Variants in BANK1 observed in about 807,000 individuals in gnomAD.
BANK1 encodes the protein B cell scaffold protein with ankyrin repeats 1.
BANK1 carries 95 observed loss-of-function variants against 94.5 expected under a neutral mutation model. The ratio of observed to expected loss-of-function variants is 1.00; its 90% CI spans 0.85 to 1.19. The LOEUF is 1.19. Ranked by LOEUF, BANK1 falls within the 50% of genes most tolerant of loss-of-function variation. BANK1 has a pLI of 0.00. For synonymous variants in BANK1, 334 were observed against 308.4 expected, an observed-to-expected ratio of 1.08 and a Z score of -0.87; for missense variants, 987 against 932.2, an observed-to-expected ratio of 1.06 and a Z score of -0.77.
chr4:101,890,198 T>C lies in BANK1; in HGVS notation c.904-5107T>C, dbSNP rs116157512. On this transcript the variant is annotated intron_variant, in intron 5 of 16. Transcript: ENST00000322953. ...CTGATTGGTTAGATCATTGGGATGA[T>C]GGTGTGTTTGAATTTTTTTATTTTT... Among the ~76,000 whole-genome samples, 605 of 152,220 alleles carry C rather than the reference T, an allele frequency of 4.0e-3. 3 individuals are homozygous for C. Among genetic ancestry groups the C allele is most frequent in the African/African-American group, 0.014 (571 of 41,556 alleles).
At chr4:102,032,252 G>C (rs750045944) in intron 10 of BANK1, 3 of 152,158 alleles carry the variant, frequency 2.0e-5, no homozygotes, top group Non-Finnish European at 4.4e-5. Flanking sequence ...CTCAGGACAA[G>C]AATGGAATCC....
At chr4:102,051,258 T>C (rs968017426) in intron 11 of BANK1, among the ~76,000 whole-genome samples, 2 of 152,176 alleles carry the variant, frequency 1.3e-5, no homozygotes, top group African/African-American at 4.8e-5. Flanking sequence ...ATTGTCAAAA[T>C]GTGGTCATTT....
At chr4:101,863,942 T>C (rs1375301034) in intron 4 of BANK1, among the ~76,000 whole-genome samples, 1 of 152,136 alleles carries the variant, frequency 6.6e-6, no homozygotes, top group Non-Finnish European at 1.5e-5. Flanking sequence ...AATATAATTA[T>C]TCACATTACT....
intron 1 of BANK1, among the ~76,000 whole-genome samples, chr4:101,828,123 C>T (rs775481522): frequency 1.4e-5 from 2 of 142,716 alleles, no homozygotes; most frequent in Admixed American, 1.4e-4. Flanking sequence ...GGGCTTTTTT[C>T]CAGAATTAAT....
chr4:101,888,327 CTT>C (rs1362854363), intron 5 of BANK1, among the ~76,000 whole-genome samples: 2 of 152,138 alleles, frequency 1.3e-5, no homozygotes, highest in African/African-American at 4.8e-5. Flanking sequence ...ATCTTTGAAA[CTT>C]TTGCTTTTCT....
At position 101,874,093 on chromosome 4, in the gene BANK1, C is replaced by T. The variant is rs577773044; in HGVS notation, c.903+3449C>T. On this transcript the variant is annotated intron_variant, in intron 5 of 16. Coordinates refer to ENST00000322953, the MANE Select transcript of BANK1 (RefSeq NM_017935.5). ...AGTAAAAAGGTATCTTTGTTTTGCA[C>T]GTATTTATCCTTTTGCATATTTTAC... Among the ~76,000 whole-genome samples, 8 of 152,166 alleles carry T rather than the reference C, an allele frequency of 5.3e-5. No individual in the cohort carries two copies. In the South Asian group the frequency reaches 6.2e-4, roughly 12 times the overall value.
chr4:101,874,510 T>C (rs1331186709), intron 5 of BANK1, among the ~76,000 whole-genome samples: 2 of 152,158 alleles, frequency 1.3e-5, no homozygotes, highest in Non-Finnish European at 2.9e-5. Flanking sequence ...CCAGCTCCTA[T>C]TGATAAGAGG....
intron 5 of BANK1, among the ~76,000 whole-genome samples, chr4:101,882,074 C>T (rs1461794474): frequency 6.6e-6 from 1 of 152,022 alleles, no homozygotes; most frequent in Non-Finnish European, 1.5e-5. Context: ...AAAAAAGTGT[C>T]ATGGGATTGT....
intron 1 of BANK1, among the ~76,000 whole-genome samples, chr4:101,797,641 G>C (rs551464907): frequency 2.6e-5 from 4 of 152,228 alleles, no homozygotes; most frequent in Admixed American, 1.3e-4. Context: ...TGACACCAAG[G>C]GTTGTGGTCT....
chr4:101,951,697 T>A (rs1560649434), intron 7 of BANK1, among the ~76,000 whole-genome samples: 1 of 152,068 alleles, frequency 6.6e-6, no homozygotes, highest in East Asian at 1.9e-4. Flanking sequence ...TTAAAAAATT[T>A]GTTTTTGCTC....
At chr4:101,952,081 C>CATAA (rs761786279) in intron 7 of BANK1, among the ~76,000 whole-genome samples, 1 of 151,778 alleles carries the variant, frequency 6.6e-6, no homozygotes, top group African/African-American at 2.4e-5. Context: ...TAAATAAATG[C>CATAA]ATAAATAAAT....
intron 7 of BANK1, among the ~76,000 whole-genome samples, chr4:101,971,802 TG>T (rs1278128161): frequency 6.6e-6 from 1 of 152,128 alleles, no homozygotes; most frequent in Non-Finnish European, 1.5e-5. Flanking sequence ...CATACTTGCA[TG>T]GGTTCACTTC....
intron 7 of BANK1, among the ~76,000 whole-genome samples, chr4:101,948,403 A>C (rs182637705): frequency 3.0e-4 from 45 of 152,254 alleles, no homozygotes; most frequent in Non-Finnish European, 1.3e-4. Context: ...AACAGGTTGC[A>C]AAATTTCCTA....
chr4:101,916,950 A>T (rs964453418), intron 6 of BANK1, among the ~76,000 whole-genome samples: 33 of 151,992 alleles, frequency 2.2e-4, no homozygotes, highest in Admixed American at 6.6e-5. Context: ...CACATGCTAA[A>T]CGTTTATTGT....
At chr4:102,072,646 A>G (rs771979158) in intron 15 of BANK1, among the ~76,000 whole-genome samples, 1 of 152,230 alleles carries the variant, frequency 6.6e-6, no homozygotes, top group African/African-American at 2.4e-5. Context: ...TTCAACATGT[A>G]CAGACCAAAA....
At chr4:101,798,545 C>A (rs985659197) in intron 1 of BANK1, among the ~76,000 whole-genome samples, 1 of 152,148 alleles carries the variant, frequency 6.6e-6, no homozygotes, top group African/African-American at 2.4e-5. Flanking sequence ...TACTATCTTC[C>A]ACAATGGTTG....
chr4:101,964,543 A>G (rs959067124), intron 7 of BANK1, among the ~76,000 whole-genome samples: 2 of 152,032 alleles, frequency 1.3e-5, no homozygotes, highest in Non-Finnish European at 2.9e-5. Context: ...GTTACTTTAT[A>G]TTACAGTTTT....
At chr4:101,945,576 A>G (rs112050993) in intron 7 of BANK1, among the ~76,000 whole-genome samples, 326 of 152,100 alleles carry the variant, frequency 2.1e-3, no homozygotes, top group African/African-American at 7.3e-3. Flanking sequence ...GAATCCATGA[A>G]TCAACAGAAG....
At chr4:102,022,043 C>T (rs754588572) in intron 8 of BANK1, among the ~76,000 whole-genome samples, 12 of 151,932 alleles carry the variant, frequency 7.9e-5, no homozygotes, top group Non-Finnish European at 1.5e-4. Flanking sequence ...GATGTTCCTA[C>T]ATGTATATAA....
Sources: allele counts gnomAD v4.1 joint callset (sites outside exome capture counted in the v4.1 genomes callset), GRCh38; gene constraint gnomAD v4.1.1; transcripts MANE v1.5; gene names NCBI Gene and HGNC (gene_info 2026-07-23, HGNC 2026-07-21).